The following PRR11 variants were observed in gnomAD, a reference collection of about 807,000 sequenced individuals.
The protein encoded by PRR11 is proline-rich protein 11.
PRR11 carries 30 observed loss-of-function variants against 45.6 expected under a neutral mutation model. The observed-to-expected ratio is 0.66, with a 90% CI of 0.49 to 0.89. The LOEUF is 0.89. Among genes scored for constraint, PRR11 ranks in the 40% least tolerant of loss-of-function variants. The probability of loss-of-function intolerance (pLI) is 0.00; values close to 1 mark genes in which losing one functional copy is unlikely to be tolerated. For synonymous variants in PRR11, 128 were observed against 153.5 expected (o/e 0.83, Z 1.23); for missense variants, 373 against 424.8 (o/e 0.88, Z 1.07).
intron 2 of PRR11, among the ~76,000 whole-genome samples, chr17:59,177,534 G>C (rs879454634): frequency 6.6e-6 from 1 of 152,100 alleles, no homozygotes; most frequent in Non-Finnish European, 1.5e-5. Context: ...GTATCAGGAG[G>C]GTCTTTTGTG....
At chr17:59,197,217 C>A (rs1224962900) in intron 7 of PRR11, among the ~76,000 whole-genome samples, 8 of 151,470 alleles carry the variant, frequency 5.3e-5, no homozygotes, top group Non-Finnish European at 1.2e-4. Flanking sequence ...TGATTGCTTT[C>A]CTTTGGGAAA....
chr17:59,193,819 C>T, intron 5 of PRR11, 85 bp downstream of exon 5: 3 of 1,451,758 alleles, frequency 2.1e-6, no homozygotes, highest in South Asian at 1.3e-5. Context: ...CCTTTTAAGG[C>T]CAGGCTAATC....
intron 2 of PRR11, among the ~76,000 whole-genome samples, chr17:59,177,639 T>C (rs1449288015): frequency 1.3e-5 from 2 of 152,000 alleles, no homozygotes; most frequent in Admixed American, 6.5e-5. Context: ...AGATCCCAAA[T>C]GACCCATAGG....
intron 1 of PRR11, among the ~76,000 whole-genome samples, chr17:59,160,461 GGGTTTCACTGT>G (rs2046645794): frequency 6.6e-6 from 1 of 152,060 alleles, no homozygotes. Flanking sequence ...AGTAGAAATG[GGGTTTCACTGT>G]GTTTGCCAGT....
At chr17:59,179,782 T>TGGCTCCTCCTCC in intron 2 of PRR11, 1 of 1,370,188 alleles carries the variant, frequency 7.3e-7, no homozygotes, top group Non-Finnish European at 1.0e-6. Context: ...GCTCCTTCTC[T>TGGCTCCTCCTCC]GGCTCCTCCT....
rs150104829 is a variant in PRR11 at position 59,173,392 on chromosome 17, T to C, written c.128+3512T>C. On this transcript the variant is annotated intron_variant, in intron 2 of 9. Transcript: ENST00000262293. ...AGGTTTGTTCTTTGGCACTTTGCAA[T>C]GAATCTTGCTACTGGTCACTCTTTG... 7.8e-3 allele frequency among the ~76,000 whole-genome samples: 1,187 copies of C among 152,316 alleles called. 52 individuals are homozygous for C. Among genetic ancestry groups the C allele is most frequent in the Admixed American group, 0.071 (1,088 of 15,288 alleles).
chr17:59,197,794 C>G lies in PRR11; in HGVS notation c.1014+5C>G. 1 of 1,609,524 alleles carries G rather than the reference C, an allele frequency of 6.2e-7. No homozygotes were observed. The highest frequency in any genetic ancestry group is 8.5e-7 in the Non-Finnish European group (1 of 1,176,274). On this transcript the variant is annotated splice_donor_5th_base_variant and intron_variant, in intron 9 of 9. Coordinates refer to ENST00000262293, the MANE Select transcript of PRR11 (RefSeq NM_018304.4). ...GCCTTAAGGAGAAAGTTTCAGGTAA[C>G]CCTTTAGGAAAAGAATATTGGTTCC... is the stretch of plus-strand genomic sequence containing the variant.
At chr17:59,185,593 G>A (rs770419248) in intron 4 of PRR11, 31 bp downstream of exon 4, 3 of 1,555,766 alleles carry the variant, frequency 1.9e-6, no homozygotes, top group Non-Finnish European at 2.6e-6. Context: ...AGCAAATCTG[G>A]AATTAGGTAA....
intron 9 of PRR11, among the ~76,000 whole-genome samples, chr17:59,198,248 A>G (rs914296002): frequency 1.3e-5 from 2 of 152,194 alleles, no homozygotes; most frequent in Admixed American, 6.5e-5. Flanking sequence ...AAATACAGGT[A>G]GGATTGGCCG....
intron 2 of PRR11, chr17:59,181,518 C>T: frequency 1.7e-6 from 2 of 1,163,234 alleles, no homozygotes; most frequent in Non-Finnish European, 1.2e-6. Context: ...TACCAAGCAG[C>T]CTGTTGAAGT....
intron 2 of PRR11, chr17:59,181,863 C>T: frequency 7.1e-7 from 1 of 1,403,660 alleles, no homozygotes. Flanking sequence ...AGACTGTTGG[C>T]TTCTCCAAGC....
intron 2 of PRR11, among the ~76,000 whole-genome samples, chr17:59,176,684 C>CTTTTTTTTTTTTTTTTTTTTTTTTT (rs71367676): frequency 2.6e-5 from 1 of 39,000 alleles, no homozygotes; most frequent in African/African-American, 1.2e-4. Flanking sequence ...GTTTTTTTGG[C>CTTTTTTTTTTTTTTTTTTTTTTTTT]TTTTTTTTTT....
At chr17:59,158,814 G>A (rs929043569) in intron 1 of PRR11, among the ~76,000 whole-genome samples, 1 of 152,192 alleles carries the variant, frequency 6.6e-6, no homozygotes, top group Non-Finnish European at 1.5e-5. Flanking sequence ...AAATTAATCA[G>A]AGAAATATTT....
At chr17:59,200,831 C>T (rs1309417461) in intron 9 of PRR11, among the ~76,000 whole-genome samples, 12 of 151,794 alleles carry the variant, frequency 7.9e-5, no homozygotes. Flanking sequence ...CACTATATCT[C>T]CCAGGCTGGT....
chr17:59,178,427 G>C, intron 2 of PRR11: 1 of 488,668 alleles, frequency 2.0e-6, no homozygotes, highest in Non-Finnish European at 4.1e-6. Context: ...CCTCCCCCTG[G>C]CAGTGCACTG....
chr17:59,169,934 A>G, intron 2 of PRR11, 54 bp downstream of exon 2: 1 of 1,525,074 alleles, frequency 6.6e-7, no homozygotes, highest in Non-Finnish European at 8.8e-7. Flanking sequence ...TCAGTTTAAG[A>G]TAGAGTTTCA....
intron 2 of PRR11, among the ~76,000 whole-genome samples, chr17:59,180,510 G>GTTTT (rs1555716481): frequency 9.2e-6 from 1 of 108,634 alleles, no homozygotes; most frequent in African/African-American, 4.4e-5. Context: ...TTTTTTTTTT[G>GTTTT]TTTTTTTTGT....
chr17:59,206,378 A>C lies in PRR11; in HGVS notation c.*4747A>C, dbSNP rs1235983488. Reference sequence around the variant, plus strand: ...AGCAAGACTCCATCTCAAAAAGAAAAGAAAAAATGCTTTGCTACATAATGA... The same window carrying C: ...AGCAAGACTCCATCTCAAAAAGAAACGAAAAAATGCTTTGCTACATAATGA... On this transcript the variant is annotated 3_prime_UTR_variant, in exon 10 of 10. Transcript: ENST00000262293. Among the ~76,000 whole-genome samples, 1 of 152,174 alleles carries C rather than the reference A, an allele frequency of 6.6e-6. No homozygotes were observed. Among genetic ancestry groups the C allele is most frequent in the Non-Finnish European group, 1.5e-5 (1 of 68,034 alleles).
intron 9 of PRR11, among the ~76,000 whole-genome samples, chr17:59,199,002 A>T (rs1266445662): frequency 2.0e-5 from 3 of 152,188 alleles, no homozygotes; most frequent in Non-Finnish European, 2.9e-5. Context: ...GCAAAAACAG[A>T]TACAGATTAC....
Sources: allele counts gnomAD v4.1 joint callset (sites outside exome capture counted in the v4.1 genomes callset), GRCh38; gene constraint gnomAD v4.1.1; transcripts MANE v1.5; gene names NCBI Gene and HGNC (gene_info 2026-07-23, HGNC 2026-07-21).